ZNF43: variants seen among roughly 807,000 people sequenced by gnomAD.
ZNF43 encodes the protein zinc finger protein 43.
ZNF43 carries 44 observed loss-of-function variants against 68.4 expected under a neutral mutation model. That is an observed-to-expected ratio of 0.64 (90% confidence interval 0.51 to 0.83). ZNF43 has a LOEUF of 0.83. Ranked by LOEUF, ZNF43 falls within the 40% of genes least tolerant of loss-of-function variation. ZNF43 has a pLI of 0.00. For missense variants in ZNF43, 896 were observed against 933.2 expected, an observed-to-expected ratio of 0.96 and a Z score of 0.52; for synonymous variants, 308 against 307.8, an observed-to-expected ratio of 1.00 and a Z score of -0.01.
In ZNF43 at chr19:21,807,562, C is replaced by T. The variant is rs1204193979; in HGVS notation, c.*45G>A. ...ATCAAGTGTGACAACCATGTAAAGC[C>T]TTTATCACATTCTTTACATTTCTAG... On this transcript the variant is annotated 3_prime_UTR_variant, in exon 4 of 4. Coordinates refer to ENST00000354959, the MANE Select transcript of ZNF43 (RefSeq NM_003423.4). 2 of 1,464,282 alleles carry T rather than the reference C, an allele frequency of 1.4e-6. No individual in the cohort carries two copies. The highest frequency in any genetic ancestry group is 1.8e-6 in the Non-Finnish European group (2 of 1,095,928). The allele number at this position is 1,464,282 out of a possible 1,614,324, so 90.7% of individuals were successfully genotyped here.
chr19:21,805,000 A>G lies in ZNF43; in HGVS notation c.*2607T>C, dbSNP rs1372778149. 1 of 152,206 alleles carries G rather than the reference A, an allele frequency of 6.6e-6. No individual in the cohort carries two copies. Among genetic ancestry groups the G allele is most frequent in the Non-Finnish European group, 1.5e-5 (1 of 68,036 alleles). 9.4% of individuals were successfully genotyped at this position (152,206 alleles called of 1,614,324 possible). ...TTATTTATACTTCTATATAATTTTTATAATTAAAATGACCCTGTAGTCAAT... is the reference window on the plus strand; with the variant it reads ...TTATTTATACTTCTATATAATTTTTGTAATTAAAATGACCCTGTAGTCAAT... On this transcript the variant is annotated 3_prime_UTR_variant, in exon 4 of 4. Transcript: ENST00000354959.
chr19:21,819,828 A>G (rs965162178), intron 1 of ZNF43, among the ~76,000 whole-genome samples: 2 of 152,184 alleles, frequency 1.3e-5, no homozygotes, highest in African/African-American at 4.8e-5. Flanking sequence ...AGACAGATAA[A>G]TGCAAAGAAA....
intron 1 of ZNF43, among the ~76,000 whole-genome samples, chr19:21,823,632 G>A (rs1418702020): frequency 6.9e-6 from 1 of 144,810 alleles, no homozygotes; most frequent in African/African-American, 2.6e-5. Flanking sequence ...CCAGGCTGGA[G>A]TGCAATGGCA....
intron 1 of ZNF43, among the ~76,000 whole-genome samples, chr19:21,844,582 T>C (rs1275247281): frequency 3.3e-5 from 5 of 151,866 alleles, no homozygotes; most frequent in African/African-American, 4.8e-5. Context: ...ATCATCATAG[T>C]AATTTGTAAG....
upstream of ZNF43, among the ~76,000 whole-genome samples, chr19:21,839,187 A>AG (rs1967326542): frequency 6.6e-6 from 1 of 152,148 alleles, no homozygotes; most frequent in African/African-American, 2.4e-5. Flanking sequence ...TAGTCAAAAA[A>AG]GGAGAGTCAC....
rs1204193979 is a variant in ZNF43 at position 21,807,562 on chromosome 19, C to G, written c.*45G>C. The G allele has an allele frequency of 2.0e-6, 3 of 1,464,398 alleles. No individual in the cohort carries two copies. Among genetic ancestry groups the G allele is most frequent in the Non-Finnish European group, 2.7e-6 (3 of 1,095,920 alleles). 90.7% of individuals were successfully genotyped at this position (1,464,398 alleles called of 1,614,324 possible). ...ATCAAGTGTGACAACCATGTAAAGC[C>G]TTTATCACATTCTTTACATTTCTAG... On this transcript the variant is annotated 3_prime_UTR_variant, in exon 4 of 4. Coordinates refer to ENST00000354959, the MANE Select transcript of ZNF43 (RefSeq NM_003423.4).
intron 1 of ZNF43, among the ~76,000 whole-genome samples, chr19:21,828,350 C>A (rs148794398): frequency 2.0e-5 from 3 of 152,126 alleles, no homozygotes; most frequent in Non-Finnish European, 4.4e-5. Context: ...GAGGCCAAGG[C>A]GGGCATACCA....
chr19:21,808,885 G>A lies in ZNF43; in HGVS notation c.1152C>T (p.Asn384=). The A allele has an allele frequency of 6.2e-7, 1 of 1,613,550 alleles. No individual in the cohort carries two copies. Residue 384 remains asparagine (N), a synonymous_variant, in exon 4 of 4, where the codon AAC becomes AAT. Coordinates refer to ENST00000354959, the MANE Select transcript of ZNF43 (RefSeq NM_003423.4). ...TATGAATTTTCTTATGTTTAGTAAG[G>A]TTTGAGGACCGGCTAAAAGCTTCAC... The part of the protein sequence containing the change: ...ECGEAFSRSS[N]LTKHKKIHTE...
At chr19:21,811,904 TG>T (rs2037292148) in intron 3 of ZNF43, 2 of 388,374 alleles carry the variant, frequency 5.1e-6, no homozygotes, top group Non-Finnish European at 9.1e-6. Context: ...AAAAGAAATA[TG>T]GAAAAAAGAC....
chr19:21,823,279 G>C (rs2037942763), intron 1 of ZNF43, among the ~76,000 whole-genome samples: 1 of 152,002 alleles, frequency 6.6e-6, no homozygotes, highest in Non-Finnish European at 1.5e-5. Flanking sequence ...CATAAGAAAT[G>C]GTAGAAATTA....
chr19:21,826,718 C>T (rs1295878029), intron 1 of ZNF43, among the ~76,000 whole-genome samples: 1 of 151,868 alleles, frequency 6.6e-6, no homozygotes, highest in Non-Finnish European at 1.5e-5. Flanking sequence ...TACCTGTACT[C>T]CAAGCTACTA....
rs200350674 is a variant in ZNF43 at position 21,807,902 on chromosome 19, C to T, written c.2135G>A (p.Gly712Asp). The change falls in exon 4 of 4, where the codon GGC becomes GAC. Residue 712 changes from glycine (G) to aspartate (D), a missense_variant. Gly to Asp is a moderately conservative substitution (Grantham distance 94, BLOSUM62 -1). Coordinates refer to ENST00000354959, the MANE Select transcript of ZNF43 (RefSeq NM_003423.4). ...GEKPYKCEKCGKAFNRSSNLI... is the reference protein window; with the variant it reads ...GEKPYKCEKCDKAFNRSSNLI... ...GTTTGAGGATCGGTTAAAAGCTTTG[C>T]CACATTTTTCACATTTGTAGGGTTT... 28 of 1,612,926 alleles carry T rather than the reference C, an allele frequency of 1.7e-5. No homozygotes were observed. The Middle Eastern group carries it at 1.2e-3, about 67-fold the overall frequency.
chr19:21,815,188 T>C (rs1416562293), intron 3 of ZNF43, among the ~76,000 whole-genome samples: 1 of 139,138 alleles, frequency 7.2e-6, no homozygotes, highest in Non-Finnish European at 1.6e-5. Context: ...AAACTCCATT[T>C]CAAAAAAAAA....
At position 21,808,428 on chromosome 19, in the gene ZNF43, G is replaced by A. The variant is rs750307096; in HGVS notation, c.1609C>T (p.Pro537Ser). 1.2e-5 allele frequency: 19 copies of A among 1,612,854 alleles called. No homozygotes were observed. In the East Asian group the frequency reaches 3.6e-4, roughly 30 times the overall value. The part of the protein sequence containing the change: ...EHKITHTGEK[P>S]YKCEECGKAF... ...TTGCCACATTCTTCACATTTGTAGG[G>A]TTTCTCTCCAGTATGAGTTATCTTA... Residue 537 changes from proline to serine, a missense_variant, in exon 4 of 4, where the codon CCC (proline) becomes TCC (serine). Coordinates refer to ENST00000354959, the MANE Select transcript of ZNF43 (RefSeq NM_003423.4).
At chr19:21,848,769 T>G (rs936287964) in intron 1 of ZNF43, among the ~76,000 whole-genome samples, 2 of 152,188 alleles carry the variant, frequency 1.3e-5, no homozygotes, top group Admixed American at 6.5e-5. Context: ...AGTCACCACA[T>G]TCTCTATGTT....
chr19:21,807,254 T>C lies in ZNF43; in HGVS notation c.*353A>G, dbSNP rs1374099698. On this transcript the variant is annotated 3_prime_UTR_variant, in exon 4 of 4. Coordinates refer to ENST00000354959, the MANE Select transcript of ZNF43 (RefSeq NM_003423.4). ...ACTACAACCCTCTTAATATTTGTAATGTTTGTCTTCAGAATGAATTATCTT... is the reference window on the plus strand; with the variant it reads ...ACTACAACCCTCTTAATATTTGTAACGTTTGTCTTCAGAATGAATTATCTT... 6.0e-6 allele frequency: 1 copy of C among 167,582 alleles called. No individual in the cohort carries two copies. The highest frequency in any genetic ancestry group is 1.3e-5 in the Non-Finnish European group (1 of 77,700). The allele number at this position is 167,582 out of a possible 1,614,324, so 10.4% of individuals were successfully genotyped here.
chr19:21,825,393 T>G (rs2145267133), intron 1 of ZNF43, among the ~76,000 whole-genome samples: 1 of 152,348 alleles, frequency 6.6e-6, no homozygotes, highest in Non-Finnish European at 1.5e-5. Flanking sequence ...TAGCTACTTG[T>G]GGCAATAGCA....
At chr19:21,818,334 C>T (rs1402799306) in intron 2 of ZNF43, among the ~76,000 whole-genome samples, 5 of 151,830 alleles carry the variant, frequency 3.3e-5, no homozygotes, top group African/African-American at 9.7e-5. Flanking sequence ...AACTCCTGAC[C>T]GGGTGATCCG....
intron 1 of ZNF43, among the ~76,000 whole-genome samples, chr19:21,831,607 C>T (rs1175145675): frequency 6.6e-6 from 1 of 152,108 alleles, no homozygotes; most frequent in East Asian, 1.9e-4. Context: ...GATCCGCCCA[C>T]CTCGGCCTCC....
Sources: gnomAD v4.1 joint callset for allele counts (sites outside exome capture counted in the v4.1 genomes callset) on GRCh38, gnomAD v4.1.1 for gene constraint, MANE v1.5 for transcripts, NCBI Gene and HGNC (gene_info 2026-07-23, HGNC 2026-07-21) for gene names.